Variants in HYAL4 observed in about 807,000 individuals in gnomAD.
HYAL4 encodes hyaluronidase-4.
Under a neutral mutation model 35.2 loss-of-function variants are expected in HYAL4, and 37 were observed. The ratio of observed to expected loss-of-function variants is 1.05; its 90% CI spans 0.81 to 1.38. HYAL4 has a LOEUF of 1.38. Among genes scored for constraint, HYAL4 ranks in the 40% most tolerant of loss-of-function variants. The pLI, the probability that HYAL4 is intolerant of heterozygous loss-of-function variation, is 0.00. For missense variants in HYAL4, 572 were observed against 572.4 expected (o/e 1.00, Z 0.01); for synonymous variants, 198 against 203.2 (o/e 0.97, Z 0.22).
chr7:123,835,732 T>G (rs1277713865), intron 1 of HYAL4, among the ~76,000 whole-genome samples: 1 of 152,194 alleles, frequency 6.6e-6, no homozygotes, highest in Non-Finnish European at 1.5e-5. Context: ...AACTTTCCTC[T>G]TAGCACTGCC....
At chr7:123,806,862 C>G in the HYAL4 span, among the ~76,000 whole-genome samples, 1 of 152,120 alleles carries the variant, frequency 6.6e-6, no homozygotes, top group Non-Finnish European at 1.5e-5. Context: ...GAAAGCAGTG[C>G]TCAAGGCTTC....
At chr7:123,802,861 T>C in the HYAL4 span, among the ~76,000 whole-genome samples, 1 of 152,254 alleles carries the variant, frequency 6.6e-6, no homozygotes, top group Non-Finnish European at 1.5e-5. Flanking sequence ...TGTATACTAC[T>C]ATATTACACT....
the HYAL4 span, among the ~76,000 whole-genome samples, chr7:123,815,335 GA>G: frequency 2.6e-5 from 4 of 152,174 alleles, no homozygotes; most frequent in African/African-American, 9.7e-5. Context: ...ATTTTAACCA[GA>G]GAGAAATTTT....
intron 3 of HYAL4, among the ~76,000 whole-genome samples, chr7:123,872,402 C>T (rs562420486): frequency 1.3e-5 from 2 of 152,276 alleles, no homozygotes; most frequent in South Asian, 2.1e-4. Context: ...ATGCTGTCTC[C>T]GGTAAGGCAC....
In HYAL4 at chr7:123,845,202, C is replaced by CTTTTTTTTTTTTTTTTTTT. The variant is rs770541919; in HGVS notation, c.-599_-581dup. On this transcript the variant is annotated 5_prime_UTR_variant, in exon 1 of 5. The change abolishes the stop of an existing upstream ORF in the 5' untranslated region. Transcript: ENST00000223026. Reference sequence around the variant, plus strand: ...TTATTTATGCTATCTATTTCTTTTCCTTTTTTTTTTTTTTTTTTTTTTTTG... The same window carrying CTTTTTTTTTTTTTTTTTTT: ...TTATTTATGCTATCTATTTCTTTTCCTTTTTTTTTTTTTTTTTTTTTTTTTTTTTTTTTTTTTTTTTTTG... The CTTTTTTTTTTTTTTTTTTT allele has an allele frequency of 1.3e-5, 1 of 76,870 alleles. No individual in the cohort carries two copies. Among genetic ancestry groups the CTTTTTTTTTTTTTTTTTTT allele is most frequent in the Non-Finnish European group, 2.3e-5 (1 of 42,818 alleles). The allele number at this position is 76,870 out of a possible 1,614,324, so 4.8% of individuals were successfully genotyped here. A position where few individuals can be genotyped will look rare whatever the true frequency, so the allele number is the denominator to read the frequency against.
At chr7:123,777,770 T>C in the HYAL4 span, among the ~76,000 whole-genome samples, 2 of 152,132 alleles carry the variant, frequency 1.3e-5, no homozygotes, top group Admixed American at 6.5e-5. Context: ...CAGAATTTTG[T>C]ATTGTTATAA....
At chr7:123,783,061 T>A in the HYAL4 span, among the ~76,000 whole-genome samples, 1 of 152,068 alleles carries the variant, frequency 6.6e-6, no homozygotes, top group Non-Finnish European at 1.5e-5. Context: ...GCGTTTGACT[T>A]TTTCTAAAGT....
intron 3 of HYAL4, among the ~76,000 whole-genome samples, chr7:123,873,685 A>G (rs1056378615): frequency 1.3e-5 from 2 of 152,220 alleles, no homozygotes; most frequent in Admixed American, 6.5e-5. Flanking sequence ...TAGGAAACCA[A>G]CTACATACAT....
chr7:123,771,046 A>T, the HYAL4 span, among the ~76,000 whole-genome samples: 1 of 152,142 alleles, frequency 6.6e-6, no homozygotes, highest in Non-Finnish European at 1.5e-5. Context: ...GGTGAGGAAG[A>T]GATAGGTTTT....
the HYAL4 span, among the ~76,000 whole-genome samples, chr7:123,765,247 A>G: frequency 3.0e-5 from 4 of 131,506 alleles, no homozygotes; most frequent in Admixed American, 7.4e-5. Flanking sequence ...TGAAAAGATG[A>G]TAACAGAGAT....
At position 123,868,270 on chromosome 7, in the gene HYAL4, T is replaced by C. The variant is rs541963651; in HGVS notation, c.-4T>C. ...AGAAGATAACGTAACATTTTTATCT[T>C]ACCATGAAAGTATTATCTGAAGGAC... On this transcript the variant is annotated 5_prime_UTR_variant, in exon 3 of 5. Coordinates refer to ENST00000223026, the MANE Select transcript of HYAL4 (RefSeq NM_012269.3). 4 of 1,499,504 alleles carry C rather than the reference T, an allele frequency of 2.7e-6. No individual in the cohort carries two copies. The highest frequency in any genetic ancestry group is 1.8e-6 in the Non-Finnish European group (2 of 1,120,592). 92.9% of individuals were successfully genotyped at this position (1,499,504 alleles called of 1,614,324 possible).
At chr7:123,808,457 GTGTGTGTA>G in the HYAL4 span, among the ~76,000 whole-genome samples, 1 of 132,948 alleles carries the variant, frequency 7.5e-6, no homozygotes, top group Admixed American at 7.8e-5. Context: ...GTGTGTGTGT[GTGTGTGTA>G]TTTTCTGGTT....
At chr7:123,770,346 G>A in the HYAL4 span, among the ~76,000 whole-genome samples, 5,069 of 151,966 alleles carry the variant, frequency 0.033, 128 homozygotes, top group Non-Finnish European at 0.05. Flanking sequence ...GGAGGCTGAG[G>A]CAGGAGAATG....
At chr7:123,846,403 A>G (rs1806174823) in intron 1 of HYAL4, among the ~76,000 whole-genome samples, 1 of 151,944 alleles carries the variant, frequency 6.6e-6, no homozygotes, top group Non-Finnish European at 1.5e-5. Flanking sequence ...CTGCTGTGTC[A>G]TGCAGGTTGT....
chr7:123,876,893 C>T lies in HYAL4; in HGVS notation c.1184C>T (p.Pro395Leu), dbSNP rs141828412. The change falls in exon 5 of 5, where the codon CCC (proline) becomes CTC (leucine). Residue 395 changes from proline to leucine, a missense_variant. Coordinates refer to ENST00000223026, the MANE Select transcript of HYAL4 (RefSeq NM_012269.3). ...TGCATAAGGAAGATGTGGAACGCGCCCAGTTACCTTCACTTGAACCCTGCA... is the reference window on the plus strand; with the variant it reads ...TGCATAAGGAAGATGTGGAACGCGCTCAGTTACCTTCACTTGAACCCTGCA... ...GRCIRKMWNA[P>L]SYLHLNPASY... is the part of the protein sequence containing the mutation. 1,146 of 1,614,180 alleles carry T rather than the reference C, an allele frequency of 7.1e-4. 2 individuals are homozygous for T. The highest frequency in any genetic ancestry group is 9.4e-4 in the Non-Finnish European group (1,106 of 1,180,048).
At chr7:123,843,782 C>T (rs1024330532), upstream of HYAL4, among the ~76,000 whole-genome samples, 3 of 151,838 alleles carry the variant, frequency 2.0e-5, no homozygotes, top group South Asian at 2.1e-4. Flanking sequence ...TCCGCTTGAT[C>T]GAATTGGCTA....
At chr7:123,869,565 T>G (rs1806808692) in intron 3 of HYAL4, among the ~76,000 whole-genome samples, 1 of 152,172 alleles carries the variant, frequency 6.6e-6, no homozygotes, top group South Asian at 2.1e-4. Context: ...GTGAGCAGGT[T>G]AGACAATCAA....
At chr7:123,788,834 C>G in the HYAL4 span, among the ~76,000 whole-genome samples, 1 of 152,218 alleles carries the variant, frequency 6.6e-6, no homozygotes, top group African/African-American at 2.4e-5. Context: ...TTTACTACCT[C>G]TGTTCGTAAA....
the HYAL4 span, among the ~76,000 whole-genome samples, chr7:123,787,933 C>G: frequency 6.6e-6 from 1 of 152,192 alleles, no homozygotes; most frequent in Non-Finnish European, 1.5e-5. Context: ...CCCATCCCCT[C>G]TCAATAGACA....
Sources: allele counts gnomAD v4.1 joint callset (sites outside exome capture counted in the v4.1 genomes callset), GRCh38; gene constraint gnomAD v4.1.1; transcripts MANE v1.5; gene names NCBI Gene and HGNC (gene_info 2026-07-23, HGNC 2026-07-21).